Variants in CNTNAP5 observed in about 807,000 individuals in gnomAD.
The protein encoded by CNTNAP5 is contactin-associated protein-like 5.
A neutral mutation model predicts 150.2 loss-of-function variants in CNTNAP5; 72 were observed. That is an observed-to-expected ratio of 0.48 (90% CI 0.40 to 0.58). The LOEUF (loss-of-function observed/expected upper bound fraction) is 0.58. CNTNAP5 is among the 20% of genes least tolerant of loss of function. CNTNAP5 has a pLI of 0.00. For synonymous variants in CNTNAP5, 672 were observed against 619.8 expected (o/e 1.08, Z -1.25); for missense variants, 1,636 against 1,626.2 (o/e 1.01, Z -0.10).
intron 11 of CNTNAP5, among the ~76,000 whole-genome samples, chr2:124,597,636 C>T (rs1368395906): frequency 1.3e-5 from 2 of 149,744 alleles, no homozygotes; most frequent in Non-Finnish European, 3.0e-5. Flanking sequence ...AGTTGCTCTT[C>T]TCGAGGAGTA....
At chr2:124,464,671 C>G (rs1356864233) in intron 6 of CNTNAP5, among the ~76,000 whole-genome samples, 2 of 152,062 alleles carry the variant, frequency 1.3e-5, no homozygotes, top group Non-Finnish European at 2.9e-5. Context: ...GTTTTACTTT[C>G]TTTTTTAAAT....
intron 11 of CNTNAP5, among the ~76,000 whole-genome samples, chr2:124,583,328 C>T (rs1696455889): frequency 6.6e-6 from 1 of 152,210 alleles, no homozygotes; most frequent in South Asian, 2.1e-4. Context: ...AATCCATGTA[C>T]ATAGCCGGGA....
chr2:124,327,376 C>T (rs1425316480), intron 3 of CNTNAP5, among the ~76,000 whole-genome samples: 1 of 152,156 alleles, frequency 6.6e-6, no homozygotes, highest in Non-Finnish European at 1.5e-5. Context: ...TCTCCCCCTA[C>T]AGCCATCTGA....
chr2:124,586,999 G>A (rs939619726), intron 11 of CNTNAP5, among the ~76,000 whole-genome samples: 1 of 152,126 alleles, frequency 6.6e-6, no homozygotes, highest in Non-Finnish European at 1.5e-5. Flanking sequence ...AGTGGACTTG[G>A]ACAAGTCAGA....
chr2:124,576,520 T>G (rs1696285694), intron 11 of CNTNAP5, among the ~76,000 whole-genome samples: 2 of 152,234 alleles, frequency 1.3e-5, no homozygotes, highest in African/African-American at 4.8e-5. Context: ...GAGGAGAAGC[T>G]GGGCTCTCTG....
At chr2:124,646,335 G>A (rs1359537329) in intron 12 of CNTNAP5, among the ~76,000 whole-genome samples, 1 of 152,144 alleles carries the variant, frequency 6.6e-6, no homozygotes, top group Non-Finnish European at 1.5e-5. Flanking sequence ...CCTTGTAGCT[G>A]TGCTAATTAA....
Position 124,527,462 on chromosome 2 carries a change from T to TA in CNTNAP5, c.1649+7dup, listed in dbSNP as rs1261959257. On this transcript the variant is annotated splice_region_variant and intron_variant, in intron 10 of 23. Transcript: ENST00000682447. ...CTGTGTAGCATCAAAGACAGGTAAT[T>TA]ATTGTCTCTTCTCCTCTGTTCTGCC... 2.6e-5 allele frequency: 41 copies of TA among 1,606,604 alleles called. No individual in the cohort carries two copies. The highest frequency in any genetic ancestry group is 3.4e-5 in the Non-Finnish European group (40 of 1,175,052).
chr2:124,865,204 A>T, intron 19 of CNTNAP5, 102 bp from the exon 20 acceptor site: 1 of 917,830 alleles, frequency 1.1e-6, no homozygotes, highest in Non-Finnish European at 1.6e-6. Flanking sequence ...TGGAAGGATT[A>T]AGACCTGGGG....
intron 3 of CNTNAP5, among the ~76,000 whole-genome samples, chr2:124,405,385 G>A (rs1269054700): frequency 1.3e-5 from 2 of 152,154 alleles, no homozygotes; most frequent in African/African-American, 4.8e-5. Flanking sequence ...TGGCATGGAG[G>A]AGACCCTTGA....
chr2:124,347,065 G>C (rs995660370), intron 3 of CNTNAP5, among the ~76,000 whole-genome samples: 2 of 152,098 alleles, frequency 1.3e-5, no homozygotes, highest in African/African-American at 4.8e-5. Context: ...TCCAGCCTGG[G>C]TGACAGAGGG....
At chr2:124,206,483 C>T (rs1266331808) in intron 1 of CNTNAP5, among the ~76,000 whole-genome samples, 2 of 152,202 alleles carry the variant, frequency 1.3e-5, no homozygotes, top group African/African-American at 2.4e-5. Context: ...TTTCCCTCAA[C>T]CACAGTGTTG....
At chr2:124,387,762 G>A (rs1392604430) in intron 3 of CNTNAP5, among the ~76,000 whole-genome samples, 1 of 152,006 alleles carries the variant, frequency 6.6e-6, no homozygotes, top group Non-Finnish European at 1.5e-5. Flanking sequence ...AGGCCATCTG[G>A]ATGTATACGT....
intron 12 of CNTNAP5, among the ~76,000 whole-genome samples, chr2:124,640,407 G>C (rs1218571496): frequency 2.0e-5 from 3 of 152,182 alleles, no homozygotes; most frequent in Non-Finnish European, 4.4e-5. Context: ...AGCCCGCCAC[G>C]CTGCGGTGTC....
At chr2:124,206,417 C>T (rs973263306) in intron 1 of CNTNAP5, among the ~76,000 whole-genome samples, 3 of 152,186 alleles carry the variant, frequency 2.0e-5, no homozygotes, top group African/African-American at 7.2e-5. Context: ...AAGGGAAACC[C>T]TTGTCAACAT....
At chr2:124,417,947 A>G (rs1358183970) in intron 4 of CNTNAP5, among the ~76,000 whole-genome samples, 1 of 152,224 alleles carries the variant, frequency 6.6e-6, no homozygotes, top group Non-Finnish European at 1.5e-5. Flanking sequence ...TCCCAGAGCT[A>G]TGAGAGAAAA....
intron 1 of CNTNAP5, among the ~76,000 whole-genome samples, chr2:124,178,081 A>T (rs948204946): frequency 3.5e-4 from 53 of 151,882 alleles, no homozygotes; most frequent in Non-Finnish European, 6.2e-4. Context: ...TCCTGACCTT[A>T]CGTGATCCAC....
chr2:124,905,114 T>TG (rs1678506194), intron 22 of CNTNAP5, among the ~76,000 whole-genome samples: 1 of 117,874 alleles, frequency 8.5e-6, no homozygotes, highest in Non-Finnish European at 1.8e-5. Context: ...TAGTTTTTTT[T>TG]TGTTTTTTTT....
intron 1 of CNTNAP5, among the ~76,000 whole-genome samples, chr2:124,075,675 C>T (rs374473979): frequency 7.9e-5 from 12 of 151,944 alleles, no homozygotes; most frequent in Non-Finnish European, 1.8e-4. Context: ...GATTTACCAC[C>T]GGGAGAGAAG....
chr2:124,510,021 G>T (rs1694520918), intron 8 of CNTNAP5, among the ~76,000 whole-genome samples: 1 of 151,800 alleles, frequency 6.6e-6, no homozygotes, highest in Non-Finnish European at 1.5e-5. Flanking sequence ...CACCAACATG[G>T]TGAAACCCAT....
Sources: gnomAD v4.1 joint callset for allele counts (sites outside exome capture counted in the v4.1 genomes callset) on GRCh38, gnomAD v4.1.1 for gene constraint, MANE v1.5 for transcripts, NCBI Gene and HGNC (gene_info 2026-07-23, HGNC 2026-07-21) for gene names.